DPF3: variants seen among roughly 807,000 people sequenced by gnomAD.
DPF3 encodes the protein double PHD fingers 3.
DPF3 carries 18 observed loss-of-function variants against 56.8 expected under a neutral mutation model. The ratio of observed to expected loss-of-function variants is 0.32; its 90% confidence interval spans 0.22 to 0.47. The LOEUF (loss-of-function observed/expected upper bound fraction) is 0.47. Among genes scored for constraint, DPF3 ranks in the 20% least tolerant of loss-of-function variants. The probability of loss-of-function intolerance (pLI) is 1.00; values close to 1 mark genes in which losing one functional copy is unlikely to be tolerated. For missense variants in DPF3, 403 were observed against 488.8 expected (o/e 0.82, Z 1.65); for synonymous variants, 188 against 180.2 (o/e 1.04, Z -0.35).
intron 2 of DPF3, among the ~76,000 whole-genome samples, chr14:72,753,726 T>C (rs959806458): frequency 1.3e-5 from 2 of 152,128 alleles, no homozygotes; most frequent in African/African-American, 4.8e-5. Flanking sequence ...CCACTGCCCC[T>C]CTATCCTGAT....
At position 72,640,125 on chromosome 14, in the gene DPF3, T is replaced by C. The variant is rs951949107; in HGVS notation, c.872-10389A>G. ...AAAGGCAACAGCAGGAAATATAAGG[T>C]GCATGGTCCACTCAGGCAAAGCAGA... On this transcript the variant is annotated intron_variant, in intron 8 of 10. Transcript: ENST00000556509. 4.4e-5 allele frequency among the ~76,000 whole-genome samples: 6 copies of C among 135,430 alleles called. 1 individual carries two copies. The Admixed American group carries it at 4.8e-4, about 11-fold the overall frequency. 88.8% of individuals were successfully genotyped at this position (135,430 alleles called of 152,430 possible).
At chr14:72,752,004 A>G (rs1490609345) in intron 3 of DPF3, among the ~76,000 whole-genome samples, 1 of 152,152 alleles carries the variant, frequency 6.6e-6, no homozygotes, top group African/African-American at 2.4e-5. Context: ...CTAACAAATA[A>G]AACTTCTATT....
chr14:72,821,125 CTCTA>C (rs373357454), intron 1 of DPF3, among the ~76,000 whole-genome samples: 10,492 of 142,590 alleles, frequency 0.074, 563 homozygotes, highest in Admixed American at 0.15. Flanking sequence ...CAGAGTGAAA[CTCTA>C]TCTCAAAAAA....
chr14:72,840,657 C>T (rs893801329), intron 1 of DPF3, among the ~76,000 whole-genome samples: 4 of 152,160 alleles, frequency 2.6e-5, no homozygotes, highest in Admixed American at 6.5e-5. Context: ...TGCCAAAATC[C>T]TTTTAATGGT....
chr14:72,750,340 G>A, intron 3 of DPF3, among the ~76,000 whole-genome samples: 1 of 152,160 alleles, frequency 6.6e-6, no homozygotes, highest in East Asian at 1.9e-4. Context: ...GTATCGTATA[G>A]TGCTAAAAGT....
intron 8 of DPF3, among the ~76,000 whole-genome samples, chr14:72,655,318 T>C (rs1348362357): frequency 6.6e-6 from 1 of 152,194 alleles, no homozygotes; most frequent in Non-Finnish European, 1.5e-5. Flanking sequence ...TATAATTAAA[T>C]TCGTCTTCTA....
At chr14:72,765,732 G>A (rs1891255004) in intron 2 of DPF3, among the ~76,000 whole-genome samples, 1 of 152,194 alleles carries the variant, frequency 6.6e-6, no homozygotes, top group African/African-American at 2.4e-5. Flanking sequence ...TGGATCACGA[G>A]GTCAGGAGAT....
chr14:72,864,174 A>C (rs955715954), intron 1 of DPF3, among the ~76,000 whole-genome samples: 11 of 121,476 alleles, frequency 9.1e-5, no homozygotes, highest in Non-Finnish European at 1.3e-4. Context: ...GCTCACACCC[A>C]GCTCAGGGCC....
intron 6 of DPF3, among the ~76,000 whole-genome samples, chr14:72,703,624 C>A (rs778043843): frequency 6.6e-6 from 1 of 152,306 alleles, no homozygotes; most frequent in South Asian, 2.1e-4. Context: ...CTTCTTGGGT[C>A]AGCTGATTTG....
At chr14:72,867,788 GAGTGC>G (rs1327401709) in intron 1 of DPF3, among the ~76,000 whole-genome samples, 1 of 152,056 alleles carries the variant, frequency 6.6e-6, no homozygotes, top group East Asian at 1.9e-4. Flanking sequence ...ACCCAGGCTG[GAGTGC>G]AGTGGCACAA....
intron 8 of DPF3, among the ~76,000 whole-genome samples, chr14:72,666,987 C>T (rs1886469171): frequency 2.0e-5 from 3 of 152,066 alleles, no homozygotes; most frequent in Admixed American, 1.3e-4. Flanking sequence ...CCCCAAACAC[C>T]CTTTAGTTCT....
chr14:72,893,021 A>AGGCAGGCAGGC lies in DPF3; in HGVS notation c.32+1035_32+1036insGCCTGCCTGCC, dbSNP rs1567273900. The stretch of plus-strand genomic sequence containing the variant: ...GAAGGAAGGAAGGAAGGAAGGAAGG[A>AGGCAGGCAGGC]AGGATGAAAAGGAGGAGGAAGGCAG... On this transcript the variant is annotated intron_variant, in intron 1 of 10. Coordinates refer to ENST00000556509, the MANE Select transcript of DPF3 (RefSeq NM_001280542.3). 1.5e-3 allele frequency among the ~76,000 whole-genome samples: 201 copies of AGGCAGGCAGGC among 135,558 alleles called. 6 individuals carry two copies. Among genetic ancestry groups the AGGCAGGCAGGC allele is most frequent in the Admixed American group, 2.1e-3 (29 of 13,812 alleles). The allele number at this position is 135,558 out of a possible 152,430, so 88.9% of individuals were successfully genotyped here.
At chr14:72,751,690 T>C (rs1003584983) in intron 3 of DPF3, among the ~76,000 whole-genome samples, 1 of 152,200 alleles carries the variant, frequency 6.6e-6, no homozygotes, top group Admixed American at 6.5e-5. Flanking sequence ...ATCGATGACA[T>C]GCTGAAATGA....
intron 2 of DPF3, among the ~76,000 whole-genome samples, 165 bp from the exon 3 acceptor site, chr14:72,753,536 A>C (rs1417110600): frequency 6.6e-6 from 1 of 152,190 alleles, no homozygotes; most frequent in Non-Finnish European, 1.5e-5. Context: ...GGCTGAATCT[A>C]GGTCATCTGA....
intron 1 of DPF3, among the ~76,000 whole-genome samples, chr14:72,781,687 T>A (rs1266060216): frequency 6.9e-6 from 1 of 144,364 alleles, no homozygotes; most frequent in Non-Finnish European, 1.5e-5. Flanking sequence ...AAAAGCAGTG[T>A]GATTCCTTCC....
chr14:72,744,755 G>A (rs1890259219), intron 3 of DPF3, among the ~76,000 whole-genome samples: 1 of 152,032 alleles, frequency 6.6e-6, no homozygotes, highest in Admixed American at 6.5e-5. Context: ...GACTCAGGCA[G>A]GGACAGAAAG....
At chr14:72,768,454 CAT>C (rs768055219) in intron 2 of DPF3, among the ~76,000 whole-genome samples, 18 of 152,250 alleles carry the variant, frequency 1.2e-4, no homozygotes, top group South Asian at 2.1e-4. Flanking sequence ...CAAATCTAGA[CAT>C]GTGATAAAAT....
chr14:72,840,008 G>T (rs1437063790), intron 1 of DPF3, among the ~76,000 whole-genome samples: 1 of 152,238 alleles, frequency 6.6e-6, no homozygotes, highest in African/African-American at 2.4e-5. Flanking sequence ...GGTCTTGAGT[G>T]ACTTGCCCTT....
At chr14:72,858,219 G>T (rs1164796872) in intron 1 of DPF3, among the ~76,000 whole-genome samples, 5 of 149,756 alleles carry the variant, frequency 3.3e-5, no homozygotes, top group African/African-American at 9.8e-5. Context: ...AAGGTGGGAC[G>T]ATTGCTTGAG....
Sources: gnomAD v4.1 joint callset for allele counts (sites outside exome capture counted in the v4.1 genomes callset) on GRCh38, gnomAD v4.1.1 for gene constraint, MANE v1.5 for transcripts, NCBI Gene and HGNC (gene_info 2026-07-23, HGNC 2026-07-21) for gene names.